Variants in DUOX2 observed in about 807,000 individuals in gnomAD.
DUOX2 encodes the protein NADH/NADPH thyroid oxidase p138-tox.
In DUOX2, 185 loss-of-function variants were observed where a neutral mutation model predicts 183.3. That is an observed-to-expected ratio of 1.01 (90% CI 0.90 to 1.14). The LOEUF is 1.14. Among genes scored for constraint, DUOX2 ranks in the 50% most tolerant of loss-of-function variants. The pLI is 0.00. For synonymous variants in DUOX2, 788 were observed against 812.4 expected, an observed-to-expected ratio of 0.97 and a Z score of 0.51; for missense variants, 1,999 against 2,022.9, an observed-to-expected ratio of 0.99 and a Z score of 0.23.
rs1894247313 is a variant in DUOX2, at chr15:45,107,381, T to C, written c.1657A>G (p.Ser553Gly). The C allele has an allele frequency of 1.9e-6, 3 of 1,614,132 alleles. No individual in the cohort carries two copies. The highest frequency in any genetic ancestry group is 3.3e-5 in the Admixed American group (2 of 60,012). ...ACAAAGACATTGGGCTGCAGGGCAC[T>C]GGGGTCAATGTTGATAACAGCGACC... ...VLVAVINIDPSALQPNVFVWH... is the reference protein window; with the variant it reads ...VLVAVINIDPGALQPNVFVWH... The change falls in exon 14 of 34, where the codon AGT becomes GGT. Residue 553 changes from serine to glycine, a missense_variant. This residue lies in a region of DUOX2 where 1,628 missense variants were observed against 1,608.6 expected (regional missense o/e 1.01). Transcript: ENST00000389039.
chr15:45,110,503 G>C lies in DUOX2; in HGVS notation c.965C>G (p.Pro322Arg). The change falls in exon 9 of 34, where the codon CCC (proline) becomes CGC (arginine). Residue 322 changes from proline to arginine, a missense_variant. Pro to Arg is a moderately radical substitution (Grantham distance 103). Transcript: ENST00000389039. ...CACCACAAATTCCGGGGAGATGCTGGGGTCTAGGAAAGGACGGTATCCTGC... is the reference window on the plus strand; with the variant it reads ...CACCACAAATTCCGGGGAGATGCTGCGGTCTAGGAAAGGACGGTATCCTGC... ...EYTGYRPFLD[P>R]SISPEFVVAS... 1 of 1,614,136 alleles carries C rather than the reference G, an allele frequency of 6.2e-7. No homozygotes were observed. The highest frequency in any genetic ancestry group is 8.5e-7 in the Non-Finnish European group (1 of 1,180,022).
rs111280439 is a variant in DUOX2 at position 45,095,191 on chromosome 15, A to C, written c.4240-100T>G. On this transcript the variant is annotated intron_variant, in intron 31 of 33. Transcript: ENST00000389039. ...GGCTGGGAAGCCCCAGACCACCTGC[A>C]GACACCAAAGCTGTGGCAGGACCCA... 2.7e-3 allele frequency: 4,059 copies of C among 1,497,150 alleles called. 74 individuals are homozygous for C. The African/African-American group carries it at 0.045, about 17-fold the overall frequency. The allele number at this position is 1,497,150 out of a possible 1,614,324, so 92.7% of individuals were successfully genotyped here. A position where few individuals can be genotyped will look rare whatever the true frequency, so the allele number is the denominator to read the frequency against.
intron 13 of DUOX2, 99 bp from the exon 14 acceptor site, chr15:45,107,562 G>T (rs1894253038): frequency 3.8e-6 from 5 of 1,301,686 alleles, no homozygotes; most frequent in African/African-American, 1.5e-5. Flanking sequence ...GACCCAGAGG[G>T]GCTGGGTGCA....
intron 30 of DUOX2, 46 bp downstream of exon 30, chr15:45,095,782 C>T: frequency 1.1e-5 from 18 of 1,584,626 alleles, no homozygotes; most frequent in Non-Finnish European, 1.6e-5. Flanking sequence ...CAGAGATCCT[C>T]TGCCAGTGCC....
intron 12 of DUOX2, 23 bp downstream of exon 12, chr15:45,108,766 T>A: frequency 6.2e-7 from 1 of 1,613,638 alleles, no homozygotes; most frequent in South Asian, 1.1e-5. Context: ...TTAGCTGCCA[T>A]TATTATCATT....
chr15:45,112,965 C>T lies in DUOX2; in HGVS notation c.160+22G>A, dbSNP rs1379118353. 3.1e-6 allele frequency: 5 copies of T among 1,611,230 alleles called. No homozygotes were observed. In the African/African-American group the frequency reaches 6.7e-5, roughly 22 times the overall value. On this transcript the variant is annotated intron_variant, in intron 3 of 33. Coordinates refer to ENST00000389039, the MANE Select transcript of DUOX2 (RefSeq NM_001363711.2). ...CCCTTCGCGAGCCACGGCCCCAGCA[C>T]GCCCGGGCCCCCAGAACGCACCAAC...
Position 45,101,239 on chromosome 15 carries a change from G to A in DUOX2, c.2887C>T (p.Arg963Ter), listed in dbSNP as rs199783724. 73 of 1,613,570 alleles carry A rather than the reference G, an allele frequency of 4.5e-5. No homozygotes were observed. Among genetic ancestry groups the A allele is most frequent in the Middle Eastern group, 1.6e-4 (1 of 6,082 alleles). The change falls in exon 22 of 34, where the codon CGA (arginine) becomes TGA (stop). Residue 963 changes from arginine (R) to a stop codon, truncating the protein, a stop_gained. Transcript: ENST00000389039. LOFTEE classifies it high-confidence loss of function. ...GGTGTCCGAGTGATGAACGAGACTCGACAGCTGATGTTTTGTTTAAAGATA... is the reference window on the plus strand; with the variant it reads ...GGTGTCCGAGTGATGAACGAGACTCAACAGCTGATGTTTTGTTTAAAGATA... The part of the protein sequence containing the change: ...RDIFKQNISC[R>*]VSFITRTPGE...
intron 9 of DUOX2, 73 bp downstream of exon 9, chr15:45,110,355 G>A: frequency 7.0e-7 from 1 of 1,421,222 alleles, no homozygotes; most frequent in Non-Finnish European, 9.5e-7. Flanking sequence ...AGTGTGAAAG[G>A]CCCCAGCCCC....
chr15:45,103,854 G>C (rs554249354), intron 20 of DUOX2, 106 bp downstream of exon 20: 107 of 1,199,290 alleles, frequency 8.9e-5, no homozygotes, highest in Non-Finnish European at 1.2e-4. Context: ...CCACCTCTCA[G>C]CACAGATGAC....
At chr15:45,100,439 C>T in intron 23 of DUOX2, 1 of 611,092 alleles carries the variant, frequency 1.6e-6, no homozygotes, top group Non-Finnish European at 2.9e-6. Context: ...CCTGCTACTC[C>T]CCCTCCTCCT....
chr15:45,098,574 C>T (rs937259386), intron 26 of DUOX2, among the ~76,000 whole-genome samples: 2 of 152,194 alleles, frequency 1.3e-5, no homozygotes, highest in Admixed American at 6.5e-5. Context: ...GACTTCATCT[C>T]CCAAACACCT....
chr15:45,098,141 G>T, intron 26 of DUOX2, 83 bp from the exon 27 acceptor site: 1 of 1,378,818 alleles, frequency 7.3e-7, no homozygotes, highest in Non-Finnish European at 1.0e-6. Flanking sequence ...CTCCTTTCCT[G>T]CTGGCCCTGA....
intron 30 of DUOX2, 93 bp downstream of exon 30, chr15:45,095,735 G>T (rs1893883153): frequency 6.5e-7 from 1 of 1,540,738 alleles, no homozygotes. Context: ...GCTGGCTTTG[G>T]GACGGCTGGA....
chr15:45,099,687 G>A lies in DUOX2; in HGVS notation c.3390C>T (p.Ile1130=), dbSNP rs201282348. 2.5e-5 allele frequency: 40 copies of A among 1,614,188 alleles called. No individual in the cohort carries two copies. In the African/African-American group the frequency reaches 2.7e-4, roughly 11 times the overall value. ...TGGCCAGGACAACAGCAGCCATGGC[G>A]ATCCAGCGGTGGAAGTCCACTGCGG... The part of the protein sequence containing the change: ...FDAAVDFHRW[I]AMAAVVLAIL... Residue 1130 remains isoleucine, a synonymous_variant, in exon 25 of 34, where the codon ATC becomes ATT. Transcript: ENST00000389039.
In DUOX2 at chr15:45,101,895, C is replaced by G; in HGVS notation, c.2749G>C (p.Glu917Gln). 6.2e-7 allele frequency: 1 copy of G among 1,614,202 alleles called. No homozygotes were observed. Among genetic ancestry groups the G allele is most frequent in the Non-Finnish European group, 8.5e-7 (1 of 1,180,044 alleles). The change falls in exon 21 of 34, where the codon GAG becomes CAG. Residue 917 changes from glutamate (E) to glutamine (Q), a missense_variant. Physicochemically the swap from Glu to Gln is conservative, Grantham distance 29. This residue lies in a region of DUOX2 where 1,628 missense variants were observed against 1,608.6 expected (regional missense o/e 1.01). Transcript: ENST00000389039. ...TGAAAATCCTCCCATGTCAGCTCCT[C>G]CTTGTCCTGGAATCCCGACTCCCGG... is the stretch of plus-strand genomic sequence containing the variant. ...MFRESGFQDK[E>Q]ELTWEDFHFM...
chr15:45,101,046 T>C (rs564414163), intron 22 of DUOX2, 159 bp downstream of exon 22: 53 of 748,748 alleles, frequency 7.1e-5, no homozygotes, highest in African/African-American at 5.5e-4. Flanking sequence ...CCGAGCAGCA[T>C]AGGGTGAGAG....
Position 45,108,932 on chromosome 15 carries a change from T to C in DUOX2, c.1255A>G (p.Lys419Glu). 1 of 1,614,234 alleles carries C rather than the reference T, an allele frequency of 6.2e-7. No homozygotes were observed. Among genetic ancestry groups the C allele is most frequent in the East Asian group, 2.2e-5 (1 of 44,882 alleles). ...GCCACATAGTCTGTACGGGAGAATT[T>C]GCCAGGGCCAGGCCAGTAATCTGAA... ...DLRDYWPGPG[K>E]FSRTDYVASS... Residue 419 changes from lysine (K) to glutamate (E), a missense_variant, in exon 12 of 34, where the codon AAA becomes GAA. Lys to Glu is a moderately conservative substitution (Grantham distance 56). Coordinates refer to ENST00000389039, the MANE Select transcript of DUOX2 (RefSeq NM_001363711.2).
chr15:45,093,973 T>C lies in DUOX2; in HGVS notation c.*177A>G, dbSNP rs1335168402. On this transcript the variant is annotated 3_prime_UTR_variant, in exon 34 of 34. Coordinates refer to ENST00000389039, the MANE Select transcript of DUOX2 (RefSeq NM_001363711.2). ...CAATTGTAGAACATAGTCTCCTGCCTTTTCTCATTTGTATAATTGTCTGGG... is the reference window on the plus strand; with the variant it reads ...CAATTGTAGAACATAGTCTCCTGCCCTTTCTCATTTGTATAATTGTCTGGG... 3 of 796,322 alleles carry C rather than the reference T, an allele frequency of 3.8e-6. No homozygotes were observed. Among genetic ancestry groups the C allele is most frequent in the African/African-American group, 3.5e-5 (2 of 57,732 alleles). 49.3% of individuals were successfully genotyped at this position (796,322 alleles called of 1,614,324 possible). A position where few individuals can be genotyped will look rare whatever the true frequency, so the allele number is the denominator to read the frequency against.
In DUOX2 at chr15:45,112,607, C is replaced by T. The variant is rs753874959; in HGVS notation, c.272G>A (p.Gly91Asp). 10 of 1,612,860 alleles carry T rather than the reference C, an allele frequency of 6.2e-6. No homozygotes were observed. In the South Asian group the frequency reaches 1.1e-4, roughly 18 times the overall value. ...PRRLSNAATR[G>D]IAGLPSLHNR... The stretch of plus-strand genomic sequence containing the variant: ...GTGGAGCGACGGCAGGCCGGCTATG[C>T]CCCGCGTGGCTGCGTTGCTGAGCCG... The change falls in exon 4 of 34, where the codon GGC becomes GAC. Residue 91 changes from glycine (G) to aspartate (D), a missense_variant. Around this residue, in one of 3 missense-constraint regions of DUOX2, gnomAD observed 356 missense variants for 356.4 expected, o/e 1.00. Coordinates refer to ENST00000389039, the MANE Select transcript of DUOX2 (RefSeq NM_001363711.2).
Sources: allele counts gnomAD v4.1 joint callset (sites outside exome capture counted in the v4.1 genomes callset), GRCh38; gene constraint gnomAD v4.1.1; regional missense constraint gnomAD v4.1.1; transcripts MANE v1.5; gene names NCBI Gene and HGNC (gene_info 2026-07-23, HGNC 2026-07-21).